Variants in GRIA3 observed in about 807,000 individuals in gnomAD.
GRIA3 encodes glutamate receptor 3.
Under a neutral mutation model 63.0 loss-of-function variants are expected in GRIA3, and 3 were observed. The ratio of observed to expected loss-of-function variants is 0.05; its 90% CI spans 0.02 to 0.12. GRIA3 has a LOEUF of 0.12. GRIA3 is among the 10% of genes least tolerant of loss of function. GRIA3 has a pLI of 1.00. For synonymous variants in GRIA3, 274 were observed against 257.9 expected, an observed-to-expected ratio of 1.06 and a Z score of -0.60; for missense variants, 347 against 700.9, an observed-to-expected ratio of 0.50 and a Z score of 5.70.
At chrX:123,184,871 G>T in intron 1 of GRIA3, 1 of 491,283 alleles carries the variant, frequency 2.0e-6, no homozygotes. Flanking sequence ...GGGTCTCCTG[G>T]GGCTAGTGGG....
intron 4 of GRIA3, among the ~76,000 whole-genome samples, chrX:123,350,529 T>C (rs1281234531): frequency 8.9e-6 from 1 of 112,280 alleles, no homozygotes; most frequent in Admixed American, 9.4e-5. Flanking sequence ...TCTAAAATTA[T>C]GAAAATGTCT....
intron 4 of GRIA3, among the ~76,000 whole-genome samples, chrX:123,338,711 G>A (rs765590311): frequency 7.2e-5 from 8 of 110,735 alleles, no homozygotes; most frequent in East Asian, 2.8e-4. Context: ...CCACCACGCC[G>A]GGCTAATTTT....
chrX:123,233,082 G>C (rs188170492), intron 2 of GRIA3, among the ~76,000 whole-genome samples: 1 of 110,200 alleles, frequency 9.1e-6, no homozygotes, highest in African/African-American at 3.3e-5. Flanking sequence ...ATTTGGTGGA[G>C]TTGGAGTCCA....
chrX:123,363,159 T>C (rs2045187878), intron 5 of GRIA3, among the ~76,000 whole-genome samples: 1 of 112,304 alleles, frequency 8.9e-6, no homozygotes, highest in African/African-American at 3.2e-5. Flanking sequence ...GCAGAGCCAG[T>C]CTTCATCCAA....
chrX:123,345,933 A>G (rs1221746968), intron 4 of GRIA3, among the ~76,000 whole-genome samples: 2 of 111,767 alleles, frequency 1.8e-5, no homozygotes, highest in Non-Finnish European at 3.8e-5. Flanking sequence ...AATAAGGAGT[A>G]AGGAAGGGAG....
At chrX:123,307,266 C>A (rs750187507) in intron 3 of GRIA3, among the ~76,000 whole-genome samples, 70 of 111,895 alleles carry the variant, frequency 6.3e-4, no homozygotes, top group African/African-American at 1.9e-3. Flanking sequence ...TGTAAATACT[C>A]CATCAGCTAT....
intron 5 of GRIA3, among the ~76,000 whole-genome samples, chrX:123,371,759 A>G (rs908334136): frequency 5.4e-5 from 6 of 111,216 alleles, no homozygotes; most frequent in African/African-American, 2.0e-4. Flanking sequence ...AGAGTTCCTT[A>G]TATGTTCTGA....
At chrX:123,345,002 T>C (rs1473042136) in intron 4 of GRIA3, among the ~76,000 whole-genome samples, 1 of 111,515 alleles carries the variant, frequency 9.0e-6, no homozygotes, top group Non-Finnish European at 1.9e-5. Context: ...GGAGCTCAGG[T>C]GCTTGCATTT....
intron 3 of GRIA3, among the ~76,000 whole-genome samples, chrX:123,303,240 A>T (rs913959773): frequency 1.8e-5 from 2 of 111,207 alleles, no homozygotes; most frequent in Non-Finnish European, 3.8e-5. Context: ...TCATAAAATC[A>T]TTCACTTGTT....
chrX:123,300,556 GTCTA>G (rs1441239403), intron 3 of GRIA3, among the ~76,000 whole-genome samples: 8 of 108,347 alleles, frequency 7.4e-5, no homozygotes, highest in Non-Finnish European at 1.3e-4. Context: ...CTAGCTAATG[GTCTA>G]TCTATTTTAT....
chrX:123,448,169 G>T (rs1439248304), intron 12 of GRIA3, among the ~76,000 whole-genome samples: 1 of 112,249 alleles, frequency 8.9e-6, no homozygotes, highest in Admixed American at 9.4e-5. Context: ...GGAATACCTA[G>T]ACTCAGGAGT....
chrX:123,297,579 C>T (rs958375980), intron 3 of GRIA3, among the ~76,000 whole-genome samples: 5 of 111,493 alleles, frequency 4.5e-5, no homozygotes, highest in Admixed American at 3.8e-4. Context: ...TACACTTTTT[C>T]ATTTATCATC....
chrX:123,450,424 GA>G (rs755042798), intron 12 of GRIA3, among the ~76,000 whole-genome samples: 1 of 112,298 alleles, frequency 8.9e-6, no homozygotes, highest in Non-Finnish European at 1.9e-5. Context: ...CAGAGTAGTA[GA>G]AAAAAACAAC....
chrX:123,225,040 C>T (rs750348517), intron 2 of GRIA3, among the ~76,000 whole-genome samples: 11 of 111,725 alleles, frequency 9.8e-5, no homozygotes, highest in African/African-American at 2.6e-4. Flanking sequence ...CAATTAGGTG[C>T]GTGAAACCTC....
chrX:123,377,822 T>C lies in GRIA3; in HGVS notation c.751-17146T>C, dbSNP rs748730449. On this transcript the variant is annotated intron_variant, in intron 5 of 15. Transcript: ENST00000620443. ...GCTCTTGTCTGTGTTATTGTCTTTA[T>C]ATTGGTTTCAAGGATTCACAGCTCA... Among the ~76,000 whole-genome samples the C allele has an allele frequency of 8.0e-5, 9 of 111,990 alleles. No individual in the cohort carries two copies. The South Asian group carries it at 3.4e-3, about 43-fold the overall frequency.
At chrX:123,379,958 A>G (rs1403988397) in intron 5 of GRIA3, among the ~76,000 whole-genome samples, 2 of 109,371 alleles carry the variant, frequency 1.8e-5, no homozygotes, top group Non-Finnish European at 3.8e-5. Flanking sequence ...CCATGTCCCT[A>G]CAAAGGACAT....
At chrX:123,403,125 G>A in intron 8 of GRIA3, 27 bp downstream of exon 8, 1 of 789,565 alleles carries the variant, frequency 1.3e-6, no homozygotes, top group South Asian at 2.1e-5. Flanking sequence ...GACATTTAAA[G>A]AAAAGGACTC....
intron 2 of GRIA3, among the ~76,000 whole-genome samples, chrX:123,198,399 G>C (rs1005624395): frequency 4.5e-5 from 5 of 111,936 alleles, no homozygotes; most frequent in Non-Finnish European, 7.5e-5. Flanking sequence ...GATCATCCAC[G>C]TAAAATATTG....
At chrX:123,428,259 GC>G (rs1457542307) in intron 12 of GRIA3, 120 bp downstream of exon 12, 2 of 545,349 alleles carry the variant, frequency 3.7e-6, no homozygotes, top group Non-Finnish European at 6.4e-6. Flanking sequence ...TCAAAGGAGA[GC>G]ATCTTAAATA....
Sources: gnomAD v4.1 joint callset for allele counts (sites outside exome capture counted in the v4.1 genomes callset) on GRCh38, gnomAD v4.1.1 for gene constraint, MANE v1.5 for transcripts, NCBI Gene and HGNC (gene_info 2026-07-23, HGNC 2026-07-21) for gene names.